Variants in KDM4C observed in about 807,000 individuals in gnomAD.
The protein encoded by KDM4C is lysine demethylase 4C.
KDM4C carries 81 observed loss-of-function variants against 129.3 expected under a neutral mutation model. The observed-to-expected ratio is 0.63, with a 90% confidence interval of 0.52 to 0.75. KDM4C has a LOEUF of 0.75. Ranked by LOEUF, KDM4C falls within the 30% of genes least tolerant of loss-of-function variation. The pLI, the probability that KDM4C is intolerant of heterozygous loss-of-function variation, is 0.00. For synonymous variants in KDM4C, 573 were observed against 456.1 expected, an observed-to-expected ratio of 1.26 and a Z score of -3.26; for missense variants, 1,457 against 1,304.0, an observed-to-expected ratio of 1.12 and a Z score of -1.81.
At chr9:6,812,908 G>A (rs1831420526) in intron 3 of KDM4C, among the ~76,000 whole-genome samples, 1 of 152,168 alleles carries the variant, frequency 6.6e-6, no homozygotes, top group South Asian at 2.1e-4. Context: ...GGGTGCGGTG[G>A]CTCTCGCCTG....
intron 4 of KDM4C, among the ~76,000 whole-genome samples, chr9:6,823,726 C>T (rs1025329335): frequency 6.6e-6 from 1 of 152,198 alleles, no homozygotes; most frequent in African/African-American, 2.4e-5. Flanking sequence ...AGGAATTTCT[C>T]TAGTTTTTCA....
At chr9:6,979,430 A>G (rs1218889422) in intron 8 of KDM4C, among the ~76,000 whole-genome samples, 1 of 152,174 alleles carries the variant, frequency 6.6e-6, no homozygotes, top group African/African-American at 2.4e-5. Flanking sequence ...ACTGAAGTAA[A>G]TGAAGCATAA....
intron 8 of KDM4C, among the ~76,000 whole-genome samples, chr9:6,963,786 C>G (rs549592814): frequency 6.6e-6 from 1 of 152,148 alleles, no homozygotes; most frequent in African/African-American, 2.4e-5. Context: ...TACCTCAAGG[C>G]CCCTAACAGC....
At chr9:7,018,673 G>A (rs2132223309) in intron 15 of KDM4C, among the ~76,000 whole-genome samples, 1 of 152,314 alleles carries the variant, frequency 6.6e-6, no homozygotes, top group African/African-American at 2.4e-5. Context: ...CAGTCCTGTT[G>A]TCCAAGGTAC....
chr9:7,151,131 T>G (rs1224630519), intron 19 of KDM4C, among the ~76,000 whole-genome samples: 1 of 151,892 alleles, frequency 6.6e-6, no homozygotes, highest in East Asian at 1.9e-4. Flanking sequence ...GCCAACATAG[T>G]GAGACCTTGT....
At chr9:7,107,847 T>TTTG (rs3072910) in intron 18 of KDM4C, among the ~76,000 whole-genome samples, 156 of 151,760 alleles carry the variant, frequency 1.0e-3, no homozygotes, top group Middle Eastern at 3.4e-3. Context: ...ACAGAAAGTA[T>TTTG]TTGTTGTTGT....
chr9:6,768,332 A>G (rs1406342737), intron 1 of KDM4C, among the ~76,000 whole-genome samples: 1 of 149,328 alleles, frequency 6.7e-6, no homozygotes, highest in African/African-American at 2.5e-5. Context: ...GTAGTGCTGA[A>G]CAGGATTTTT....
chr9:7,145,445 CCCTCTCA>C (rs1587858353), intron 19 of KDM4C, among the ~76,000 whole-genome samples: 1 of 152,102 alleles, frequency 6.6e-6, no homozygotes, highest in East Asian at 1.9e-4. Context: ...GGGCGCACTC[CCCTCTCA>C]CCTCATCCCT....
chr9:7,010,220 C>T (rs761151508), intron 12 of KDM4C, among the ~76,000 whole-genome samples: 1 of 152,150 alleles, frequency 6.6e-6, no homozygotes, highest in Non-Finnish European at 1.5e-5. Context: ...CAGATTACTT[C>T]ATTGCAAATA....
intron 19 of KDM4C, among the ~76,000 whole-genome samples, chr9:7,150,504 T>C (rs947549464): frequency 6.6e-6 from 1 of 152,188 alleles, no homozygotes; most frequent in Non-Finnish European, 1.5e-5. Flanking sequence ...TCTGAATCCT[T>C]GGAGAGAAAT....
At position 6,880,013 on chromosome 9, in the gene KDM4C, T is replaced by C; in HGVS notation, c.631T>C (p.Tyr211His). The change falls in exon 6 of 22, where the codon TAT becomes CAT. Residue 211 changes from tyrosine to histidine, a missense_variant and splice_region_variant. Tyr to His is a moderately conservative substitution (Grantham distance 83, BLOSUM62 2). Transcript: ENST00000381309. ...TTTTACTTATGTTTAAAATTTTAGGTATGCTATACCTCCGGAGCATGGAAA... is the reference window on the plus strand; with the variant it reads ...TTTTACTTATGTTTAAAATTTTAGGCATGCTATACCTCCGGAGCATGGAAA... ...YLHFGEPKSWYAIPPEHGKRL... is the reference protein window; with the variant it reads ...YLHFGEPKSWHAIPPEHGKRL... 6.4e-7 allele frequency: 1 copy of C among 1,559,684 alleles called. No individual in the cohort carries two copies. Among genetic ancestry groups the C allele is most frequent in the Non-Finnish European group, 8.7e-7 (1 of 1,146,606 alleles).
At chr9:6,950,125 A>G (rs1827869845) in intron 8 of KDM4C, among the ~76,000 whole-genome samples, 1 of 151,404 alleles carries the variant, frequency 6.6e-6, no homozygotes, top group Non-Finnish European at 1.5e-5. Flanking sequence ...ACAAATAAAA[A>G]TGGTATGTAT....
intron 3 of KDM4C, among the ~76,000 whole-genome samples, chr9:6,813,767 T>A (rs1463176889): frequency 6.6e-6 from 1 of 152,220 alleles, no homozygotes; most frequent in Non-Finnish European, 1.5e-5. Flanking sequence ...TGGTGTACAT[T>A]TCTTTCTAAT....
At chr9:6,806,926 C>T (rs1023613305) in intron 3 of KDM4C, among the ~76,000 whole-genome samples, 7 of 150,104 alleles carry the variant, frequency 4.7e-5, no homozygotes, top group Non-Finnish European at 4.4e-5. Flanking sequence ...CTCCGTCTCC[C>T]CACGGTCTCC....
At chr9:7,003,643 A>G (rs1821135957) in intron 12 of KDM4C, among the ~76,000 whole-genome samples, 1 of 152,170 alleles carries the variant, frequency 6.6e-6, no homozygotes, top group Admixed American at 6.5e-5. Context: ...TCTGCTATCC[A>G]TTATTACATT....
At chr9:6,776,427 A>G (rs1170973383) in intron 1 of KDM4C, among the ~76,000 whole-genome samples, 1 of 151,648 alleles carries the variant, frequency 6.6e-6, no homozygotes, top group African/African-American at 2.4e-5. Context: ...ACGACCAGCT[A>G]ATTTTTTGTA....
chr9:6,766,403 G>A (rs1211617879), intron 1 of KDM4C, among the ~76,000 whole-genome samples: 2 of 151,928 alleles, frequency 1.3e-5, no homozygotes, highest in African/African-American at 4.8e-5. Context: ...TGTTTACTGG[G>A]AAGGAATGGG....
At chr9:7,069,722 G>T (rs1169831787) in intron 17 of KDM4C, among the ~76,000 whole-genome samples, 2 of 152,140 alleles carry the variant, frequency 1.3e-5, no homozygotes, top group African/African-American at 4.8e-5. Context: ...AAATGTGGCT[G>T]TCATTTTTTT....
Position 7,154,207 on chromosome 9 carries a change from T to C in KDM4C, c.2782-11031T>C, listed in dbSNP as rs62532925. ...AGATGACAGATAGCCACTATGATACTTACGTGGCTGTCTGTCAGTCTTGTT... is the reference window on the plus strand; with the variant it reads ...AGATGACAGATAGCCACTATGATACCTACGTGGCTGTCTGTCAGTCTTGTT... On this transcript the variant is annotated intron_variant, in intron 19 of 21. Transcript: ENST00000381309. Among the ~76,000 whole-genome samples, 617 of 152,296 alleles carry C rather than the reference T, an allele frequency of 4.1e-3. 2 individuals are homozygous for C. The highest frequency in any genetic ancestry group is 6.4e-3 in the Non-Finnish European group (438 of 68,024).
Sources: allele counts gnomAD v4.1 joint callset (sites outside exome capture counted in the v4.1 genomes callset), GRCh38; gene constraint gnomAD v4.1.1; transcripts MANE v1.5; gene names NCBI Gene and HGNC (gene_info 2026-07-23, HGNC 2026-07-21).